The following FANCD2 variants were observed in gnomAD, a reference collection of about 807,000 sequenced individuals.
The protein encoded by FANCD2 is FA complementation group D2.
A neutral mutation model predicts 192.3 loss-of-function variants in FANCD2; 131 were observed. That is an observed-to-expected ratio of 0.68 (90% CI 0.59 to 0.79). The LOEUF is 0.79. FANCD2 is among the 30% of genes least tolerant of loss of function. The pLI, the probability that FANCD2 is intolerant of heterozygous loss-of-function variation, is 0.00. For missense variants in FANCD2, 1,508 were observed against 1,701.6 expected (o/e 0.89, Z 2.00); for synonymous variants, 524 against 612.5 (o/e 0.86, Z 2.13).
At chr3:10,080,626 C>T (rs951348262) in intron 30 of FANCD2, among the ~76,000 whole-genome samples, 2 of 152,138 alleles carry the variant, frequency 1.3e-5, no homozygotes. Flanking sequence ...CAAAAACTAG[C>T]CATGTTTGTT....
At chr3:10,096,252 C>A in intron 41 of FANCD2, 74 bp from the exon 42 acceptor site, 1 of 1,494,266 alleles carries the variant, frequency 6.7e-7, no homozygotes, top group Non-Finnish European at 9.3e-7. Context: ...ATTCAACATT[C>A]AAAGGTTTCT....
At chr3:10,034,374 A>AT in intron 3 of FANCD2, 95 bp from the exon 4 acceptor site, 1 of 768,582 alleles carries the variant, frequency 1.3e-6, no homozygotes, top group Non-Finnish European at 2.3e-6. Flanking sequence ...GGTTGAAAAT[A>AT]TTTTTATTGG....
intron 30 of FANCD2, 103 bp downstream of exon 30, chr3:10,078,300 C>T (rs574584183): frequency 8.6e-4 from 677 of 783,260 alleles, no homozygotes; most frequent in Non-Finnish European, 1.4e-3. Flanking sequence ...GTGTTTGGGT[C>T]ACTGGGTAGC....
chr3:10,079,888 T>A (rs1693738048), intron 30 of FANCD2, among the ~76,000 whole-genome samples: 1 of 152,086 alleles, frequency 6.6e-6, no homozygotes, highest in African/African-American at 2.4e-5. Context: ...ATCCCGTTTC[T>A]TGGTTTCTTG....
intron 15 of FANCD2, 55 bp from the exon 16 acceptor site, chr3:10,047,862 G>T (rs1017926772): frequency 3.7e-6 from 6 of 1,606,532 alleles, no homozygotes; most frequent in East Asian, 2.2e-5. Flanking sequence ...CTCTTAGGTT[G>T]TGTACTAACT....
rs557755559 is a variant in FANCD2 at position 10,032,136 on chromosome 3, T to C, written c.65-696T>C. Among the ~76,000 whole-genome samples, 12 of 152,186 alleles carry C rather than the reference T, an allele frequency of 7.9e-5. 1 individual carries two copies. The South Asian group carries it at 2.5e-3, about 32-fold the overall frequency. On this transcript the variant is annotated intron_variant, in intron 2 of 43. Transcript: ENST00000675286. ...CTGGGATTACAGGCGTGAGCCACTG[T>C]GCTGGGTCGGAAATATGCATTTTAA...
chr3:10,033,685 A>G (rs2086656462), intron 3 of FANCD2, among the ~76,000 whole-genome samples: 1 of 141,852 alleles, frequency 7.0e-6, no homozygotes, highest in African/African-American at 2.6e-5. Context: ...GCTATCTGCT[A>G]TCAAAGCTAA....
At chr3:10,100,113 A>G (rs1695214060) in intron 43 of FANCD2, among the ~76,000 whole-genome samples, 1 of 151,936 alleles carries the variant, frequency 6.6e-6, no homozygotes, top group Non-Finnish European at 1.5e-5. Flanking sequence ...GCTCAAGCCC[A>G]GGAGGTGGAG....
chr3:10,035,328 A>G, intron 6 of FANCD2, 95 bp downstream of exon 6: 1 of 1,121,162 alleles, frequency 8.9e-7, no homozygotes, highest in Non-Finnish European at 1.4e-6. Flanking sequence ...GAGTAGGGTT[A>G]ATTGGAGAAT....
intron 22 of FANCD2, 141 bp from the exon 23 acceptor site, chr3:10,064,588 C>T (rs2087662578): frequency 7.7e-7 from 1 of 1,295,210 alleles, no homozygotes; most frequent in Admixed American, 1.7e-5. Flanking sequence ...CCCTTAGCTC[C>T]AAAATTCCTA....
chr3:10,040,815 CT>C, intron 9 of FANCD2: 1 of 319,126 alleles, frequency 3.1e-6, no homozygotes. Context: ...CAGGATGCTC[CT>C]TCTGGGCAAA....
chr3:10,094,978 G>A, intron 40 of FANCD2: 1 of 564,412 alleles, frequency 1.8e-6, no homozygotes, highest in Non-Finnish European at 3.2e-6. Context: ...CTAAAATGCA[G>A]GTCTTATAAC....
intron 43 of FANCD2, among the ~76,000 whole-genome samples, chr3:10,100,490 G>C (rs921790692): frequency 6.6e-6 from 1 of 152,126 alleles, no homozygotes. Flanking sequence ...TCCTGCCTCA[G>C]CCTTCCAAGT....
At chr3:10,070,030 C>T (rs1385841988) in intron 26 of FANCD2, among the ~76,000 whole-genome samples, 5 of 150,992 alleles carry the variant, frequency 3.3e-5, no homozygotes, top group South Asian at 2.1e-4. Flanking sequence ...CGTCTCTGCC[C>T]GGCCACCCAT....
intron 14 of FANCD2, among the ~76,000 whole-genome samples, chr3:10,046,055 C>CTTTTTTTTTTTTTTTT (rs57661428): frequency 8.8e-5 from 11 of 124,424 alleles, no homozygotes; most frequent in African/African-American, 1.6e-4. Flanking sequence ...GCTCTGTATT[C>CTTTTTTTTTTTTTTTT]TTTTTTTTTT....
chr3:10,027,939 C>A (rs1050455852), intron 1 of FANCD2, among the ~76,000 whole-genome samples: 11 of 149,402 alleles, frequency 7.4e-5, no homozygotes, highest in African/African-American at 2.7e-4. Context: ...TTCTTTAGGC[C>A]GGGCGGCTCA....
Position 10,096,339 on chromosome 3 carries a change from C to G in FANCD2, c.4052C>G (p.Thr1351Arg). The change falls in exon 42 of 44, where the codon ACG becomes AGG. Residue 1351 changes from threonine (T) to arginine (R), a missense_variant. Coordinates refer to ENST00000675286, the MANE Select transcript of FANCD2 (RefSeq NM_001018115.3). ...ATTTCCATTCAGATTCACCAGGACA[C>G]GAGACTCACCCAACATGTGCCTCTG... ...LCGHSKIHQDTRLTQHVPLLK... is the reference protein window; with the variant it reads ...LCGHSKIHQDRRLTQHVPLLK... The G allele has an allele frequency of 3.1e-6, 5 of 1,614,026 alleles. No individual in the cohort carries two copies. Among genetic ancestry groups the G allele is most frequent in the African/African-American group, 1.3e-5 (1 of 75,012 alleles).
chr3:10,088,475 C>T lies in FANCD2; in HGVS notation c.3493C>T (p.Arg1165Trp), dbSNP rs759348779. Residue 1165 changes from arginine to tryptophan, a missense_variant, in exon 35 of 44, where the codon CGG (arginine) becomes TGG (tryptophan). Around this residue, in one of 5 missense-constraint regions of FANCD2, gnomAD observed 796 missense variants for 879.4 expected, o/e 0.91. Coordinates refer to ENST00000675286, the MANE Select transcript of FANCD2 (RefSeq NM_001018115.3). ...TTCCCTTGCCAGACAATTCCTCTGT[C>T]GGGTGTGGCCAAGTGGGGATAAAGA... ...IASLARQFLC[R>W]VWPSGDKEKS... 19 of 1,611,004 alleles carry T rather than the reference C, an allele frequency of 1.2e-5. No individual in the cohort carries two copies. Among genetic ancestry groups the T allele is most frequent in the African/African-American group, 2.7e-5 (2 of 74,984 alleles).
chr3:10,069,981 G>C (rs1448186588), intron 26 of FANCD2, among the ~76,000 whole-genome samples: 1 of 150,700 alleles, frequency 6.6e-6, no homozygotes, highest in Admixed American at 6.6e-5. Flanking sequence ...AGTGAGGAGC[G>C]TCTCTGCCCG....
Sources: gnomAD v4.1 joint callset for allele counts (sites outside exome capture counted in the v4.1 genomes callset) on GRCh38, gnomAD v4.1.1 for gene constraint, gnomAD v4.1.1 regional missense constraint, MANE v1.5 for transcripts, NCBI Gene and HGNC (gene_info 2026-07-23, HGNC 2026-07-21) for gene names.